Variants in MBNL1 observed in about 807,000 individuals in gnomAD.
The protein encoded by MBNL1 is muscleblind-like protein 1.
A neutral mutation model predicts 42.2 loss-of-function variants in MBNL1; 8 were observed. The ratio of observed to expected loss-of-function variants is 0.19; its 90% confidence interval spans 0.11 to 0.34. MBNL1 has a LOEUF of 0.34. Among genes scored for constraint, MBNL1 ranks in the 10% least tolerant of loss-of-function variants. The pLI is 1.00. For missense variants in MBNL1, 309 were observed against 495.3 expected (o/e 0.62, Z 3.57); for synonymous variants, 169 against 173.9 (o/e 0.97, Z 0.22).
At chr3:152,413,616 G>T (rs2153637723) in intron 2 of MBNL1, among the ~76,000 whole-genome samples, 1 of 152,252 alleles carries the variant, frequency 6.6e-6, no homozygotes, top group Middle Eastern at 3.4e-3. Flanking sequence ...ATTTAAATTA[G>T]AATTATGACA....
chr3:152,397,545 T>C (rs367729826), intron 2 of MBNL1, among the ~76,000 whole-genome samples: 4 of 152,236 alleles, frequency 2.6e-5, no homozygotes, highest in African/African-American at 9.6e-5. Context: ...ACTCATCCTT[T>C]TTTATGGCTG....
chr3:152,266,261 G>A (rs1172863562), upstream of MBNL1: 1 of 152,010 alleles, frequency 6.6e-6, no homozygotes, highest in Non-Finnish European at 1.5e-5. Context: ...TTACCAGGAT[G>A]GTTATTCTAC....
chr3:152,386,134 T>C (rs116433837), intron 2 of MBNL1, among the ~76,000 whole-genome samples: 1,705 of 152,036 alleles, frequency 0.011, 23 homozygotes, highest in African/African-American at 0.039. Context: ...TAGAGTACTT[T>C]GGGGAAAAAA....
rs1226558945 is a variant in MBNL1 at position 152,443,193 on chromosome 3, CA to C, written c.550-2088del. Among the ~76,000 whole-genome samples the C allele has an allele frequency of 4.3e-5, 5 of 116,784 alleles. No individual in the cohort carries two copies. The South Asian group carries it at 1.1e-3, about 26-fold the overall frequency. 76.6% of individuals were successfully genotyped at this position (116,784 alleles called of 152,430 possible). A position where few individuals can be genotyped will look rare whatever the true frequency, so the allele number is the denominator to read the frequency against. On this transcript the variant is annotated intron_variant, in intron 4 of 9. Transcript: ENST00000324210. ...TAACCTGTAGAAACCCCCCCCCCCA[CA>C]CACACACACATGCAAATACATACAC... is the stretch of plus-strand genomic sequence containing the variant.
At chr3:152,305,342 T>A (rs1324677713) in intron 2 of MBNL1, among the ~76,000 whole-genome samples, 1 of 152,156 alleles carries the variant, frequency 6.6e-6, no homozygotes, top group Non-Finnish European at 1.5e-5. Flanking sequence ...TATCTTGTCA[T>A]TTTCCTTGCC....
intron 1 of MBNL1, among the ~76,000 whole-genome samples, chr3:152,274,034 C>G (rs1270438825): frequency 2.0e-5 from 3 of 152,114 alleles, no homozygotes; most frequent in African/African-American, 7.2e-5. Flanking sequence ...GATGTCCATG[C>G]TGATGTCAAC....
chr3:152,297,403 G>T (rs558776442), intron 1 of MBNL1, among the ~76,000 whole-genome samples: 1 of 150,058 alleles, frequency 6.7e-6, no homozygotes, highest in Admixed American at 6.6e-5. Flanking sequence ...GAGTGCAGTG[G>T]CGCAATCTCG....
chr3:152,316,944 CCTT>C (rs951486454), intron 2 of MBNL1, among the ~76,000 whole-genome samples: 12 of 152,110 alleles, frequency 7.9e-5, no homozygotes, highest in Admixed American at 4.6e-4. Flanking sequence ...GATAAAATAA[CCTT>C]CTCACCTGCT....
At chr3:152,424,439 G>C (rs540725066) in intron 3 of MBNL1, among the ~76,000 whole-genome samples, 2 of 151,948 alleles carry the variant, frequency 1.3e-5, no homozygotes, top group East Asian at 3.9e-4. Flanking sequence ...CAAGCAAATG[G>C]AAAAACATTC....
chr3:152,452,296 C>CT (rs1350460263), intron 6 of MBNL1, among the ~76,000 whole-genome samples: 2 of 152,118 alleles, frequency 1.3e-5, no homozygotes, highest in African/African-American at 4.8e-5. Flanking sequence ...TACACCATTT[C>CT]TTTTTTCGTT....
At chr3:152,374,167 G>T (rs2096798092) in intron 2 of MBNL1, among the ~76,000 whole-genome samples, 1 of 152,180 alleles carries the variant, frequency 6.6e-6, no homozygotes. Flanking sequence ...CCTAGCTATA[G>T]AAACAGCACT....
chr3:152,275,305 C>G (rs1335014968), intron 1 of MBNL1, among the ~76,000 whole-genome samples: 1 of 152,138 alleles, frequency 6.6e-6, no homozygotes, highest in Non-Finnish European at 1.5e-5. Context: ...ATTCCCCTAT[C>G]AAAGGCCCCC....
intron 2 of MBNL1, among the ~76,000 whole-genome samples, chr3:152,249,001 T>C (rs2033881506): frequency 6.6e-6 from 1 of 151,794 alleles, no homozygotes; most frequent in South Asian, 2.1e-4. Context: ...CCACATTTTC[T>C]TAATCTAGTC....
At chr3:152,320,952 A>G (rs2076149547) in intron 2 of MBNL1, among the ~76,000 whole-genome samples, 1 of 152,052 alleles carries the variant, frequency 6.6e-6, no homozygotes, top group African/African-American at 2.4e-5. Context: ...TAGTGTTGCA[A>G]CTTCTGCTTC....
chr3:152,444,815 C>A (rs1386220435), intron 4 of MBNL1, among the ~76,000 whole-genome samples: 1 of 152,182 alleles, frequency 6.6e-6, no homozygotes, highest in African/African-American at 2.4e-5. Context: ...TCTTTCCATT[C>A]ACTTCATCTG....
At chr3:152,335,531 C>T (rs1003026393) in intron 2 of MBNL1, among the ~76,000 whole-genome samples, 1 of 152,142 alleles carries the variant, frequency 6.6e-6, no homozygotes, top group Non-Finnish European at 1.5e-5. Flanking sequence ...CTAATCTCTA[C>T]TCTTGTTTTT....
intron 2 of MBNL1, among the ~76,000 whole-genome samples, chr3:152,348,137 C>A (rs962563910): frequency 6.6e-6 from 1 of 152,000 alleles, no homozygotes; most frequent in Non-Finnish European, 1.5e-5. Flanking sequence ...GAGTTAGATA[C>A]CTTCCAAAAG....
chr3:152,458,636 G>A (rs1228933213), intron 8 of MBNL1: 1 of 164,248 alleles, frequency 6.1e-6, no homozygotes, highest in Non-Finnish European at 1.3e-5. Context: ...TCTTAACTTT[G>A]GGAACTATTG....
At chr3:152,375,160 G>A (rs1382820164) in intron 2 of MBNL1, among the ~76,000 whole-genome samples, 1 of 152,116 alleles carries the variant, frequency 6.6e-6, no homozygotes, top group Non-Finnish European at 1.5e-5. Context: ...GGGTTGTTAA[G>A]CTACTTTTGA....
Sources: allele counts gnomAD v4.1 joint callset (sites outside exome capture counted in the v4.1 genomes callset), GRCh38; gene constraint gnomAD v4.1.1; transcripts MANE v1.5; gene names NCBI Gene and HGNC (gene_info 2026-07-23, HGNC 2026-07-21).